MAST4: variants seen among roughly 807,000 people sequenced by gnomAD.
MAST4 encodes microtubule-associated serine/threonine-protein kinase 4.
In MAST4, 89 loss-of-function variants were observed where a neutral mutation model predicts 162.7. The ratio of observed to expected loss-of-function variants is 0.55; its 90% CI spans 0.46 to 0.65. The LOEUF is 0.65. Among genes scored for constraint, MAST4 ranks in the 30% least tolerant of loss-of-function variants. The probability of loss-of-function intolerance (pLI) is 0.00; values close to 1 mark genes in which losing one functional copy is unlikely to be tolerated. For missense variants in MAST4, 3,153 were observed against 3,374.0 expected (o/e 0.93, Z 1.62); for synonymous variants, 1,479 against 1,361.1 (o/e 1.09, Z -1.91).
chr5:66,995,584 G>T (rs536114021), intron 4 of MAST4, among the ~76,000 whole-genome samples: 1 of 152,152 alleles, frequency 6.6e-6, no homozygotes. Context: ...TGTATTTTTA[G>T]TAGAGACGGG....
At chr5:66,944,689 A>G (rs1331736396) in intron 4 of MAST4, among the ~76,000 whole-genome samples, 2 of 152,136 alleles carry the variant, frequency 1.3e-5, no homozygotes, top group Non-Finnish European at 2.9e-5. Flanking sequence ...ACAATTTATT[A>G]TAAACTTAAT....
At chr5:66,754,712 G>T (rs1294981881) in intron 1 of MAST4, among the ~76,000 whole-genome samples, 2 of 152,152 alleles carry the variant, frequency 1.3e-5, no homozygotes, top group Non-Finnish European at 1.5e-5. Context: ...TTAGCAGGGG[G>T]AGAAGAGCAA....
At chr5:66,614,224 G>A (rs965989118) in intron 1 of MAST4, among the ~76,000 whole-genome samples, 1 of 152,146 alleles carries the variant, frequency 6.6e-6, no homozygotes, top group Non-Finnish European at 1.5e-5. Context: ...TATGAAAGCA[G>A]TCCGTGAGGC....
At chr5:66,905,302 CAAAAA>C (rs60337775) in intron 4 of MAST4, among the ~76,000 whole-genome samples, 37 of 78,452 alleles carry the variant, frequency 4.7e-4, no homozygotes, top group Admixed American at 1.6e-3. Flanking sequence ...AACTCTGTCT[CAAAAA>C]AAAAAAAAAA....
chr5:66,783,369 T>C (rs1754967559), intron 2 of MAST4: 1 of 152,246 alleles, frequency 6.6e-6, no homozygotes, highest in Non-Finnish European at 1.5e-5. Flanking sequence ...GGCCCTGTTC[T>C]ACTCAGGAAC....
chr5:67,139,303 T>G (rs1770080608), intron 19 of MAST4, among the ~76,000 whole-genome samples: 1 of 152,136 alleles, frequency 6.6e-6, no homozygotes, highest in Non-Finnish European at 1.5e-5. Context: ...GCCCAAGAGA[T>G]TAGAGAGGCT....
chr5:66,959,174 T>C, intron 4 of MAST4: 1 of 778,046 alleles, frequency 1.3e-6, no homozygotes, highest in Middle Eastern at 2.3e-4. Context: ...TCGGTTTGGC[T>C]CTCTGTCATC....
chr5:66,707,212 T>C (rs1271091950), intron 1 of MAST4, among the ~76,000 whole-genome samples: 1 of 152,220 alleles, frequency 6.6e-6, no homozygotes, highest in Non-Finnish European at 1.5e-5. Flanking sequence ...TGCTAGAAGA[T>C]GTTGCCCTTT....
intron 3 of MAST4, among the ~76,000 whole-genome samples, chr5:66,811,074 G>C: frequency 6.6e-6 from 1 of 152,156 alleles, no homozygotes; most frequent in South Asian, 2.1e-4. Flanking sequence ...CACAGGAACC[G>C]GGCAGAGACT....
intron 5 of MAST4, among the ~76,000 whole-genome samples, chr5:67,067,508 A>G (rs190589169): frequency 6.6e-6 from 1 of 152,368 alleles, no homozygotes; most frequent in Non-Finnish European, 1.5e-5. Context: ...TAGAAATGAT[A>G]CGACATCATA....
intron 3 of MAST4, among the ~76,000 whole-genome samples, chr5:66,819,352 G>A (rs139638955): frequency 6.6e-6 from 1 of 152,294 alleles, no homozygotes; most frequent in African/African-American, 2.4e-5. Flanking sequence ...AGAAGTGCTT[G>A]GCTATGTGTG....
Position 66,596,411 on chromosome 5 carries a change from C to T in MAST4, c.-245C>T. 1 of 395,350 alleles carries T rather than the reference C, an allele frequency of 2.5e-6. No individual in the cohort carries two copies. The highest frequency in any genetic ancestry group is 4.4e-6 in the Non-Finnish European group (1 of 227,756). 24.5% of individuals were successfully genotyped at this position (395,350 alleles called of 1,614,324 possible). A position where few individuals can be genotyped will look rare whatever the true frequency, so the allele number is the denominator to read the frequency against. ...CGGGAGCACAGTGGAGCGCAGATCG[C>T]GGACCCGAGCGGGCATGTCCCCGCG... On this transcript the variant is annotated 5_prime_UTR_variant, in exon 1 of 29. Coordinates refer to ENST00000403625, the MANE Select transcript of MAST4 (RefSeq NM_001164664.2).
intron 1 of MAST4, among the ~76,000 whole-genome samples, chr5:66,602,463 G>A (rs2149383431): frequency 6.6e-6 from 1 of 151,886 alleles, no homozygotes; most frequent in South Asian, 2.1e-4. Flanking sequence ...TGTGACAAAG[G>A]CTATCCACTC....
At chr5:66,716,788 GT>G (rs778557720) in intron 1 of MAST4, among the ~76,000 whole-genome samples, 1 of 152,166 alleles carries the variant, frequency 6.6e-6, no homozygotes, top group African/African-American at 2.4e-5. Context: ...TGTTTGTTGT[GT>G]TTTTTGGCTA....
At chr5:66,627,365 G>A (rs1293248157) in intron 1 of MAST4, among the ~76,000 whole-genome samples, 5 of 152,144 alleles carry the variant, frequency 3.3e-5, no homozygotes, top group Admixed American at 2.6e-4. Flanking sequence ...ATTTGGGTGG[G>A]TTCACGCCAA....
chr5:67,122,096 C>T (rs994421577), intron 14 of MAST4, among the ~76,000 whole-genome samples: 1 of 152,132 alleles, frequency 6.6e-6, no homozygotes, highest in Non-Finnish European at 1.5e-5. Context: ...TTCTGAGTTA[C>T]TAATAGTTTA....
intron 3 of MAST4, among the ~76,000 whole-genome samples, chr5:66,796,591 T>C (rs1755659256): frequency 6.6e-6 from 1 of 152,186 alleles, no homozygotes; most frequent in Non-Finnish European, 1.5e-5. Context: ...GGTGTCCATA[T>C]ACATTATGTG....
intron 1 of MAST4, among the ~76,000 whole-genome samples, chr5:66,707,119 A>C (rs4700161): frequency 0.11 from 16,003 of 152,214 alleles, 924 homozygotes; most frequent in Admixed American, 0.15. Context: ...AGAGCCTATT[A>C]TCTTAATAAG....
intron 4 of MAST4, among the ~76,000 whole-genome samples, chr5:67,039,065 C>T (rs531767877): frequency 4.4e-4 from 67 of 152,236 alleles, no homozygotes; most frequent in African/African-American, 1.5e-3. Context: ...TGGTAGCTAT[C>T]GACAGGTTTT....
Sources: allele counts gnomAD v4.1 joint callset (sites outside exome capture counted in the v4.1 genomes callset), GRCh38; gene constraint gnomAD v4.1.1; transcripts MANE v1.5; gene names NCBI Gene and HGNC (gene_info 2026-07-23, HGNC 2026-07-21).